ITGA11: variants seen among roughly 807,000 people sequenced by gnomAD.
ITGA11 encodes the protein integrin subunit alpha 11.
In ITGA11, 97 loss-of-function variants were observed where a neutral mutation model predicts 141.9. The ratio of observed to expected loss-of-function variants is 0.68; its 90% CI spans 0.58 to 0.81. The LOEUF is 0.81. Among genes scored for constraint, ITGA11 ranks in the 30% least tolerant of loss-of-function variants. ITGA11 has a pLI of 0.00. For synonymous variants in ITGA11, 658 were observed against 624.6 expected, an observed-to-expected ratio of 1.05 and a Z score of -0.80; for missense variants, 1,387 against 1,559.2, an observed-to-expected ratio of 0.89 and a Z score of 1.86.
intron 10 of ITGA11, among the ~76,000 whole-genome samples, chr15:68,347,859 T>A (rs1287474525): frequency 6.6e-6 from 1 of 152,042 alleles, no homozygotes; most frequent in East Asian, 1.9e-4. Flanking sequence ...CTAATGGGCC[T>A]TCTCTGGTAA....
chr15:68,317,159 C>T, intron 21 of ITGA11, 106 bp downstream of exon 21: 2 of 804,372 alleles, frequency 2.5e-6, no homozygotes, highest in Middle Eastern at 2.3e-4. Flanking sequence ...TCCCATCCCT[C>T]CCTGGTCTTC....
At position 68,307,251 on chromosome 15, in the gene ITGA11, G is replaced by T; in HGVS notation, c.3381+97C>A. ...TGATTCTCTCCTGCTGGGACATGCA[G>T]CCAGGGGTTGTAGGAAAACTCTATA... On this transcript the variant is annotated intron_variant, in intron 28 of 29. Coordinates refer to ENST00000315757, the MANE Select transcript of ITGA11 (RefSeq NM_001004439.2). This position sits in a 1 kb window ranked among gnomAD's most constrained non-coding sequence, Gnocchi z 6.1. 2.4e-6 allele frequency: 2 copies of T among 830,464 alleles called. No homozygotes were observed. Among genetic ancestry groups the T allele is most frequent in the Non-Finnish European group, 3.9e-6 (2 of 518,468 alleles). The allele number at this position is 830,464 out of a possible 1,614,324, so 51.4% of individuals were successfully genotyped here.
chr15:68,319,936 A>ATT (rs3837690), intron 20 of ITGA11, among the ~76,000 whole-genome samples: 3 of 148,608 alleles, frequency 2.0e-5, no homozygotes, highest in East Asian at 3.9e-4. Flanking sequence ...CTCTCCTGTG[A>ATT]TTTTTTTTTT....
Position 68,322,746 on chromosome 15 carries a change from A to G in ITGA11, c.2323-1243T>C, listed in dbSNP as rs1027089162. On this transcript the variant is annotated intron_variant, in intron 18 of 29. Transcript: ENST00000315757. This position sits in a 1 kb window ranked among gnomAD's most constrained non-coding sequence, Gnocchi z 5.6. The stretch of plus-strand genomic sequence containing the variant: ...AGCTGGGCGCAGTGGCTGCAGTCCC[A>G]GCTACTCGGGAGGCTGAGGCAGGAG... 6.6e-6 allele frequency among the ~76,000 whole-genome samples: 1 copy of G among 151,950 alleles called. No individual in the cohort carries two copies. Among genetic ancestry groups the G allele is most frequent in the African/African-American group, 2.4e-5 (1 of 41,338 alleles).
rs1351905035 is a variant in ITGA11 at position 68,300,973 on chromosome 15, CATTA to C, written c.*2082_*2085del. On this transcript the variant is annotated 3_prime_UTR_variant, in exon 30 of 30. Transcript: ENST00000315757. The stretch of plus-strand genomic sequence containing the variant: ...CAATGAAAACTTATGAGTGTGGGTT[CATTA>C]ATTCTCATTTAGCCAGGTTACCCCA... 2 of 152,264 alleles carry C rather than the reference CATTA, an allele frequency of 1.3e-5. No individual in the cohort carries two copies. Among genetic ancestry groups the C allele is most frequent in the South Asian group, 2.1e-4 (1 of 4,822 alleles). 9.4% of individuals were successfully genotyped at this position (152,264 alleles called of 1,614,324 possible). A position where few individuals can be genotyped will look rare whatever the true frequency, so the allele number is the denominator to read the frequency against.
Position 68,312,942 on chromosome 15 carries a change from G to A in ITGA11, c.2883-79C>T, listed in dbSNP as rs920090081. 7 of 1,045,912 alleles carry A rather than the reference G, an allele frequency of 6.7e-6. No homozygotes were observed. The African/African-American group carries it at 9.3e-5, about 14-fold the overall frequency. 64.8% of individuals were successfully genotyped at this position (1,045,912 alleles called of 1,614,324 possible). A position where few individuals can be genotyped will look rare whatever the true frequency, so the allele number is the denominator to read the frequency against. Reference sequence around the variant, plus strand: ...GACAGATGAATGAAAGAGGGAGAGGGCATGTGCCGGCCTCCCCCGGGCCAC... The same window carrying A: ...GACAGATGAATGAAAGAGGGAGAGGACATGTGCCGGCCTCCCCCGGGCCAC... On this transcript the variant is annotated intron_variant, in intron 23 of 29. Coordinates refer to ENST00000315757, the MANE Select transcript of ITGA11 (RefSeq NM_001004439.2).
chr15:68,297,376 C>T lies in ITGA11; in HGVS notation c.*5683G>A, dbSNP rs1293253456. The T allele has an allele frequency of 2.8e-5, 4 of 144,636 alleles. No homozygotes were observed. Among genetic ancestry groups the T allele is most frequent in the Non-Finnish European group, 6.0e-5 (4 of 66,836 alleles). The allele number at this position is 144,636 out of a possible 1,614,324, so 9.0% of individuals were successfully genotyped here. ...ATTTTATCATGTTAAGAGATTATTT[C>T]GTTTAGCATTGAATTAATAGATTTA... On this transcript the variant is annotated 3_prime_UTR_variant, in exon 30 of 30. Coordinates refer to ENST00000315757, the MANE Select transcript of ITGA11 (RefSeq NM_001004439.2).
At position 68,321,312 on chromosome 15, in the gene ITGA11, G is replaced by A; in HGVS notation, c.2408+106C>T. 3 of 623,780 alleles carry A rather than the reference G, an allele frequency of 4.8e-6. No homozygotes were observed. In the South Asian group the frequency reaches 7.6e-5, roughly 16 times the overall value. 38.6% of individuals were successfully genotyped at this position (623,780 alleles called of 1,614,324 possible). On this transcript the variant is annotated intron_variant, in intron 19 of 29. Coordinates refer to ENST00000315757, the MANE Select transcript of ITGA11 (RefSeq NM_001004439.2). The surrounding 1 kb of genome is among the most constrained non-coding windows in gnomAD (Gnocchi z 4.9). ...CCAAGTGCAATGTTTGATCCATGCT[G>A]CCTGTGAGGAGGATGTCCAGGAAAT...
chr15:68,367,234 A>G (rs1895450741), intron 3 of ITGA11, among the ~76,000 whole-genome samples: 2 of 152,042 alleles, frequency 1.3e-5, no homozygotes, highest in Admixed American at 1.3e-4. Flanking sequence ...TCCACATTGC[A>G]ACAGAGAAAA....
intron 21 of ITGA11, among the ~76,000 whole-genome samples, chr15:68,316,075 G>A (rs1893565352): frequency 6.6e-6 from 1 of 152,216 alleles, no homozygotes; most frequent in Non-Finnish European, 1.5e-5. Flanking sequence ...TTAGGGTAGG[G>A]GTCCTTGATG....
intron 2 of ITGA11, among the ~76,000 whole-genome samples, chr15:68,388,098 G>A (rs1896030051): frequency 6.6e-6 from 1 of 152,130 alleles, no homozygotes; most frequent in South Asian, 2.1e-4. Flanking sequence ...TCCAAAGCCT[G>A]CACCCTGTTG....
intron 4 of ITGA11, among the ~76,000 whole-genome samples, 174 bp downstream of exon 4, chr15:68,364,533 G>A (rs1438763359): frequency 2.0e-5 from 3 of 152,250 alleles, no homozygotes; most frequent in Non-Finnish European, 4.4e-5. Context: ...GGCATAAGCA[G>A]GGAGCTGGCG....
rs772939161 is a variant in ITGA11, at chr15:68,303,026, G to A, written c.*33C>T. On this transcript the variant is annotated 3_prime_UTR_variant, in exon 30 of 30. Coordinates refer to ENST00000315757, the MANE Select transcript of ITGA11 (RefSeq NM_001004439.2). This position sits in a 1 kb window ranked among gnomAD's most constrained non-coding sequence, Gnocchi z 5.3. ...TCAACACTACCTGGACTGGTGTCCT[G>A]GCCCCCATCAACTCAAAGTCTCCTC... 1 of 1,518,386 alleles carries A rather than the reference G, an allele frequency of 6.6e-7. No homozygotes were observed. Among genetic ancestry groups the A allele is most frequent in the Admixed American group, 2.0e-5 (1 of 49,412 alleles). 94.1% of individuals were successfully genotyped at this position (1,518,386 alleles called of 1,614,324 possible). A position where few individuals can be genotyped will look rare whatever the true frequency, so the allele number is the denominator to read the frequency against.
At chr15:68,364,927 G>A (rs1895369763) in intron 3 of ITGA11, 129 bp from the exon 4 acceptor site, 1 of 926,496 alleles carries the variant, frequency 1.1e-6, no homozygotes, top group Non-Finnish European at 1.7e-6. Context: ...TGGCTCTCAG[G>A]GTTTACAAAG....
chr15:68,363,857 T>C (rs962399209), intron 4 of ITGA11, among the ~76,000 whole-genome samples: 6 of 152,214 alleles, frequency 3.9e-5, no homozygotes, highest in African/African-American at 1.4e-4. Context: ...AGAGTCCATA[T>C]GTGCTCACCT....
rs1893377502 is a variant in ITGA11 at position 68,311,346 on chromosome 15, T to C, written c.3031A>G (p.Ile1011Val). ...HGMMMKITIPIATRSGNRLLK... is the reference protein window; with the variant it reads ...HGMMMKITIPVATRSGNRLLK... ...AGGCGGTTGCCGCTCCTGGTGGCGA[T>C]GGGAATGGTGATCTTCATCATCATC... is the stretch of plus-strand genomic sequence containing the variant. Residue 1011 changes from isoleucine (I) to valine (V), a missense_variant, in exon 25 of 30, where the codon ATC becomes GTC. Coordinates refer to ENST00000315757, the MANE Select transcript of ITGA11 (RefSeq NM_001004439.2). 1 of 1,578,814 alleles carries C rather than the reference T, an allele frequency of 6.3e-7. No homozygotes were observed. The highest frequency in any genetic ancestry group is 8.6e-7 in the Non-Finnish European group (1 of 1,161,286).
chr15:68,339,569 C>A lies in ITGA11; in HGVS notation c.1207G>T (p.Val403Phe). The change falls in exon 11 of 30, where the codon GTC becomes TTC. Residue 403 changes from valine (V) to phenylalanine (F), a missense_variant. Coordinates refer to ENST00000315757, the MANE Select transcript of ITGA11 (RefSeq NM_001004439.2). ...AVLKETSAGK[V>F]IPLRESYLKE... ...AGGTAGGACTCGCGGAGAGGAATGA[C>A]CTTCCCGGCACTCGTCTCCTTTAGC... 1 of 1,614,022 alleles carries A rather than the reference C, an allele frequency of 6.2e-7. No homozygotes were observed. The highest frequency in any genetic ancestry group is 1.1e-5 in the South Asian group (1 of 91,084).
intron 2 of ITGA11, among the ~76,000 whole-genome samples, chr15:68,387,070 A>G (rs1896002974): frequency 6.6e-6 from 1 of 152,046 alleles, no homozygotes. Context: ...GAATGAGGAG[A>G]AAAGATGAGA....
chr15:68,405,510 G>A (rs1294460493), intron 1 of ITGA11, among the ~76,000 whole-genome samples: 2 of 152,102 alleles, frequency 1.3e-5, no homozygotes, highest in Non-Finnish European at 2.9e-5. Flanking sequence ...CTGGAGTGGG[G>A]GTTGGGGAAG....
Sources: allele counts gnomAD v4.1 joint callset (sites outside exome capture counted in the v4.1 genomes callset), GRCh38; gene constraint gnomAD v4.1.1; non-coding constraint Gnocchi (gnomAD v3.1); transcripts MANE v1.5; gene names NCBI Gene and HGNC (gene_info 2026-07-23, HGNC 2026-07-21).